PRMT8: variants seen among roughly 807,000 people sequenced by gnomAD.
PRMT8 encodes protein arginine N-methyltransferase 8.
In PRMT8, 7 loss-of-function variants were observed where a neutral mutation model predicts 47.1. The observed-to-expected ratio is 0.15, with a 90% CI of 0.08 to 0.28. The LOEUF (loss-of-function observed/expected upper bound fraction) is 0.28, where lower values mean the gene tolerates loss of function less well. Ranked by LOEUF, PRMT8 falls within the 10% of genes least tolerant of loss-of-function variation. The probability of loss-of-function intolerance (pLI) is 1.00; values close to 1 mark genes in which losing one functional copy is unlikely to be tolerated. For synonymous variants in PRMT8, 188 were observed against 186.5 expected (o/e 1.01, Z -0.07); for missense variants, 237 against 505.4 (o/e 0.47, Z 5.09).
At chr12:3,416,343 G>C (rs1016938063) in intron 1 of PRMT8, among the ~76,000 whole-genome samples, 2 of 152,180 alleles carry the variant, frequency 1.3e-5, no homozygotes, top group South Asian at 2.1e-4. Flanking sequence ...ACCATCTTCA[G>C]CTAGTGGAGC....
chr12:3,577,027 GC>G (rs747730603), intron 7 of PRMT8, 41 bp downstream of exon 7: 30 of 1,523,952 alleles, frequency 2.0e-5, no homozygotes, highest in Non-Finnish European at 2.5e-5. Flanking sequence ...TGTGCTGGGA[GC>G]CCCGCTGTGC....
At chr12:3,447,503 C>T (rs913675470) in intron 1 of PRMT8, among the ~76,000 whole-genome samples, 8 of 152,138 alleles carry the variant, frequency 5.3e-5, no homozygotes, top group Non-Finnish European at 2.9e-5. Flanking sequence ...CAGTGCCTCT[C>T]GCACTCAGTC....
At chr12:3,581,225 G>T (rs75834740) in intron 7 of PRMT8, among the ~76,000 whole-genome samples, 1 of 152,152 alleles carries the variant, frequency 6.6e-6, no homozygotes, top group African/African-American at 2.4e-5. Flanking sequence ...GGTGATGAGC[G>T]GTCAGACATC....
chr12:3,496,212 A>ATTTTTTTTTTT (rs1444249290), intron 1 of PRMT8, among the ~76,000 whole-genome samples: 13 of 19,396 alleles, frequency 6.7e-4, no homozygotes, highest in East Asian at 1.5e-3. Flanking sequence ...ATATATATAT[A>ATTTTTTTTTTT]TATTTTTTTT....
intron 1 of PRMT8, among the ~76,000 whole-genome samples, chr12:3,433,405 CTCT>C (rs1864703778): frequency 6.6e-6 from 1 of 152,234 alleles, no homozygotes; most frequent in South Asian, 2.1e-4. Flanking sequence ...TTTCTCAATG[CTCT>C]TCAGATACAT....
At chr12:3,486,257 T>A (rs146743707), upstream of PRMT8, among the ~76,000 whole-genome samples, 697 of 152,244 alleles carry the variant, frequency 4.6e-3, 6 homozygotes, top group African/African-American at 0.016. Context: ...TTGCAGGGCC[T>A]ACCTGACTGT....
chr12:3,469,102 G>T, intron 1 of PRMT8: 1 of 486,184 alleles, frequency 2.1e-6, no homozygotes, highest in Non-Finnish European at 4.0e-6. Flanking sequence ...CAGCAGTCAG[G>T]GACATTTCTG....
intron 1 of PRMT8, among the ~76,000 whole-genome samples, chr12:3,467,180 C>T (rs1276568481): frequency 1.6e-5 from 2 of 127,480 alleles, no homozygotes; most frequent in African/African-American, 2.9e-5. Flanking sequence ...GCGGAGCTTG[C>T]AGTGAGCCGA....
intron 1 of PRMT8, among the ~76,000 whole-genome samples, chr12:3,393,401 G>A (rs1378910784): frequency 1.3e-5 from 2 of 150,906 alleles, no homozygotes; most frequent in African/African-American, 4.9e-5. Context: ...TAAGGTGTAA[G>A]GAAGGGATCC....
At chr12:3,435,087 G>A (rs1239840195) in intron 1 of PRMT8, among the ~76,000 whole-genome samples, 1 of 151,128 alleles carries the variant, frequency 6.6e-6, no homozygotes, top group Non-Finnish European at 1.5e-5. Flanking sequence ...TCCTGCCTGA[G>A]CCTCCCAAGT....
At chr12:3,403,021 T>G (rs1364182550) in intron 1 of PRMT8, among the ~76,000 whole-genome samples, 1 of 152,238 alleles carries the variant, frequency 6.6e-6, no homozygotes, top group African/African-American at 2.4e-5. Flanking sequence ...TGCACATGTT[T>G]GTTCACTGCA....
chr12:3,592,810 C>G (rs1214971051), intron 9 of PRMT8, among the ~76,000 whole-genome samples: 1 of 152,218 alleles, frequency 6.6e-6, no homozygotes, highest in African/African-American at 2.4e-5. Flanking sequence ...TGAAGGTCAC[C>G]TCACAGAACA....
intron 1 of PRMT8, among the ~76,000 whole-genome samples, chr12:3,465,133 T>A (rs2335987): frequency 0.57 from 78,248 of 138,086 alleles, 22,928 homozygotes; most frequent in South Asian, 0.67. Flanking sequence ...AAAAAAAATA[T>A]ATATATATAT....
intron 1 of PRMT8, among the ~76,000 whole-genome samples, chr12:3,454,513 C>T (rs997551620): frequency 1.3e-5 from 2 of 152,132 alleles, no homozygotes; most frequent in South Asian, 4.1e-4. Flanking sequence ...ACAAAAGAAG[C>T]CCGTCATGCC....
intron 1 of PRMT8, among the ~76,000 whole-genome samples, chr12:3,459,928 G>A (rs1860427): frequency 0.52 from 79,343 of 151,974 alleles, 21,004 homozygotes; most frequent in African/African-American, 0.56. Context: ...AGAGGCCCCC[G>A]TGCCCTCCGA....
rs1285078757 is a variant in PRMT8, at chr12:3,570,919, G to T, written c.712+1355G>T. On this transcript the variant is annotated intron_variant, in intron 6 of 9. Transcript: ENST00000382622. This position sits in a 1 kb window ranked among gnomAD's most constrained non-coding sequence, Gnocchi z 5.5. ...AAATGAGGACAGTGAGAGGCAGGGG[G>T]GCCCAGGTTAAATGCTTTGCACACT... Among the ~76,000 whole-genome samples, 1 of 152,156 alleles carries T rather than the reference G, an allele frequency of 6.6e-6. No individual in the cohort carries two copies. The highest frequency in any genetic ancestry group is 6.5e-5 in the Admixed American group (1 of 15,284).
chr12:3,475,580 G>A (rs1865204236), intron 1 of PRMT8, among the ~76,000 whole-genome samples: 1 of 152,202 alleles, frequency 6.6e-6, no homozygotes, highest in African/African-American at 2.4e-5. Flanking sequence ...GCGTCCTTAT[G>A]TCTAGAGAAC....
At chr12:3,523,860 C>T (rs1865916221) in intron 1 of PRMT8, among the ~76,000 whole-genome samples, 1 of 152,212 alleles carries the variant, frequency 6.6e-6, no homozygotes, top group Admixed American at 6.5e-5. Context: ...GAATATAAAC[C>T]ACTCCTTCTG....
intron 1 of PRMT8, among the ~76,000 whole-genome samples, chr12:3,479,535 C>A (rs937687786): frequency 2.0e-5 from 3 of 152,130 alleles, no homozygotes; most frequent in African/African-American, 7.2e-5. Flanking sequence ...GGAATTTGAA[C>A]CAGTTTCCTC....
Sources: allele counts gnomAD v4.1 joint callset (sites outside exome capture counted in the v4.1 genomes callset), GRCh38; gene constraint gnomAD v4.1.1; non-coding constraint Gnocchi (gnomAD v3.1); transcripts MANE v1.5; gene names NCBI Gene and HGNC (gene_info 2026-07-23, HGNC 2026-07-21).